KIRREL1: variants seen among roughly 807,000 people sequenced by gnomAD.
KIRREL1 encodes the protein kirre like nephrin family adhesion molecule 1.
Under a neutral mutation model 83.3 loss-of-function variants are expected in KIRREL1, and 25 were observed. The observed-to-expected ratio is 0.30, with a 90% CI of 0.22 to 0.42. The LOEUF (loss-of-function observed/expected upper bound fraction) is 0.42. Among genes scored for constraint, KIRREL1 ranks in the 10% least tolerant of loss-of-function variants. The probability of loss-of-function intolerance (pLI) is 1.00; values close to 1 mark genes in which losing one functional copy is unlikely to be tolerated. For missense variants in KIRREL1, 812 were observed against 1,032.3 expected (o/e 0.79, Z 2.92); for synonymous variants, 388 against 410.4 (o/e 0.95, Z 0.66).
At chr1:158,038,355 A>G (rs1296711312) in intron 1 of KIRREL1, among the ~76,000 whole-genome samples, 1 of 152,034 alleles carries the variant, frequency 6.6e-6, no homozygotes, top group South Asian at 2.1e-4. Flanking sequence ...TGGTGGTGGG[A>G]GGGGGCAGAG....
intron 1 of KIRREL1, among the ~76,000 whole-genome samples, chr1:158,046,571 AGGGG>A (rs1660783243): frequency 6.6e-6 from 1 of 151,916 alleles, no homozygotes; most frequent in African/African-American, 2.4e-5. Flanking sequence ...ACCAAGAGGG[AGGGG>A]AGGGCCAGTC....
intron 3 of KIRREL1, among the ~76,000 whole-genome samples, chr1:158,078,845 G>A (rs1473554860): frequency 1.3e-5 from 2 of 152,156 alleles, no homozygotes; most frequent in East Asian, 1.9e-4. Context: ...CTGGGGGACC[G>A]AGCAGATGTC....
chr1:158,027,121 G>T (rs746213454), intron 1 of KIRREL1, among the ~76,000 whole-genome samples: 2 of 152,182 alleles, frequency 1.3e-5, no homozygotes, highest in Non-Finnish European at 2.9e-5. Context: ...TGTTTTACCT[G>T]CGCTTCTGAC....
At chr1:158,071,087 T>C (rs1214639857) in intron 1 of KIRREL1, among the ~76,000 whole-genome samples, 1 of 152,168 alleles carries the variant, frequency 6.6e-6, no homozygotes, top group Non-Finnish European at 1.5e-5. Context: ...TCTGCCTTCC[T>C]TCCCCCCTGC....
chr1:158,041,294 C>T (rs1342148411), intron 1 of KIRREL1, among the ~76,000 whole-genome samples: 4 of 152,298 alleles, frequency 2.6e-5, no homozygotes, highest in African/African-American at 2.4e-5. Context: ...TCACAACTCC[C>T]GTGTGCCACT....
chr1:158,005,981 C>A (rs1467742870), intron 1 of KIRREL1, among the ~76,000 whole-genome samples: 2 of 152,184 alleles, frequency 1.3e-5, no homozygotes, highest in African/African-American at 4.8e-5. Context: ...GAAACAGGAT[C>A]TCCCATTAAT....
intron 1 of KIRREL1, among the ~76,000 whole-genome samples, chr1:158,006,646 C>T (rs956646620): frequency 2.0e-5 from 3 of 152,218 alleles, no homozygotes; most frequent in Non-Finnish European, 2.9e-5. Context: ...AAGAACCTGG[C>T]TGAGTCACTG....
chr1:158,056,809 G>A (rs1197703250), intron 1 of KIRREL1, among the ~76,000 whole-genome samples: 1 of 152,190 alleles, frequency 6.6e-6, no homozygotes, highest in African/African-American at 2.4e-5. Context: ...CCTGGGCTTG[G>A]AGCTATGGGG....
chr1:158,047,006 G>T (rs1558002141), intron 1 of KIRREL1, among the ~76,000 whole-genome samples: 1 of 152,084 alleles, frequency 6.6e-6, no homozygotes, highest in Non-Finnish European at 1.5e-5. Flanking sequence ...AAGAAACTAG[G>T]GATGTTTGGT....
Position 158,094,924 on chromosome 1 carries a change from A to T in KIRREL1, c.2078A>T (p.His693Leu). The stretch of plus-strand genomic sequence containing the variant: ...GAGAACTATGAGAAGTTCAACTCCC[A>T]TCCCTTCCCTGGGGCAGCTGGGTAC... The part of the protein sequence containing the change: ...SYENYEKFNS[H>L]PFPGAAGYPT... The change falls in exon 15 of 15, where the codon CAT becomes CTT. Residue 693 changes from histidine to leucine, a missense_variant. By Grantham distance (99) the His-to-Leu change is moderately conservative. Around this residue, in one of 3 missense-constraint regions of KIRREL1, gnomAD observed 334 missense variants for 383.7 expected, o/e 0.87. Transcript: ENST00000359209. This position sits in a 1 kb window ranked among gnomAD's most constrained non-coding sequence, Gnocchi z 4.6. The T allele has an allele frequency of 6.2e-7, 1 of 1,613,836 alleles. No individual in the cohort carries two copies. The highest frequency in any genetic ancestry group is 8.5e-7 in the Non-Finnish European group (1 of 1,179,932).
chr1:158,050,115 C>A (rs1187212293), intron 1 of KIRREL1, among the ~76,000 whole-genome samples: 1 of 152,026 alleles, frequency 6.6e-6, no homozygotes, highest in Non-Finnish European at 1.5e-5. Context: ...GTGCACATGC[C>A]TGTGAGATGT....
intron 1 of KIRREL1, among the ~76,000 whole-genome samples, chr1:158,002,049 G>A (rs946823931): frequency 2.0e-5 from 3 of 152,148 alleles, no homozygotes; most frequent in Non-Finnish European, 2.9e-5. Context: ...AGATAACCAA[G>A]GTTTGGCCAG....
chr1:158,029,336 C>CTGTGT (rs1660253657), intron 1 of KIRREL1, among the ~76,000 whole-genome samples: 1 of 19,654 alleles, frequency 5.1e-5, no homozygotes, highest in Non-Finnish European at 1.5e-4. Context: ...GTAACAAAAA[C>CTGTGT]CTGTGTGTGT....
intron 1 of KIRREL1, among the ~76,000 whole-genome samples, chr1:158,068,010 G>T (rs773901100): frequency 1.3e-5 from 2 of 152,152 alleles, no homozygotes; most frequent in Admixed American, 6.5e-5. Flanking sequence ...GAAGGGAGGC[G>T]GTGGCCAAGC....
At position 158,086,724 on chromosome 1, in the gene KIRREL1, T is replaced by C. The variant is rs1461947614; in HGVS notation, c.639T>C (p.Thr213=). 2 of 1,545,970 alleles carry C rather than the reference T, an allele frequency of 1.3e-6. No individual in the cohort carries two copies. The highest frequency in any genetic ancestry group is 2.0e-5 in the Admixed American group (1 of 50,694). The change falls in exon 5 of 15, where the codon ACT becomes ACC. Residue 213 remains threonine (T), a synonymous_variant. Transcript: ENST00000359209. ...AAGCCATCCCTAGTGGCAAGGAGAC[T>C]TCCATCGAGCTGGATGTGCACCGTG... ...MNEAIPSGKE[T]SIELDVHHPP... is the part of the protein sequence containing the mutation.
At chr1:158,063,337 C>A (rs1271412460) in intron 1 of KIRREL1, among the ~76,000 whole-genome samples, 2 of 151,870 alleles carry the variant, frequency 1.3e-5, no homozygotes, top group African/African-American at 2.4e-5. Context: ...TTAAGATATT[C>A]ATTCAACAAG....
At chr1:158,018,700 G>A (rs937373339) in intron 1 of KIRREL1, among the ~76,000 whole-genome samples, 2 of 152,080 alleles carry the variant, frequency 1.3e-5, no homozygotes, top group Non-Finnish European at 2.9e-5. Flanking sequence ...ACAAGGAGGA[G>A]CCCTGGAAAA....
chr1:158,093,649 C>G lies in KIRREL1; in HGVS notation c.1606C>G (p.Leu536Val). 6.2e-7 allele frequency: 1 copy of G among 1,614,190 alleles called. No homozygotes were observed. Residue 536 changes from leucine (L) to valine (V), a missense_variant, in exon 13 of 15, where the codon CTG becomes GTG. Coordinates refer to ENST00000359209, the MANE Select transcript of KIRREL1 (RefSeq NM_018240.7). ...GSRKDVTLRK[L>V]DIKVETVNRE... ...TCGCAAAGACGTGACCCTGAGGAAG[C>G]TGGATATCAAGGTGGAGACAGTGAA... is the stretch of plus-strand genomic sequence containing the variant.
intron 1 of KIRREL1, among the ~76,000 whole-genome samples, chr1:158,066,781 G>A (rs985620397): frequency 1.5e-4 from 23 of 152,060 alleles, no homozygotes; most frequent in African/African-American, 5.1e-4. Context: ...CCTCCTTCCC[G>A]CTCTGTCTTT....
Sources: gnomAD v4.1 joint callset for allele counts (sites outside exome capture counted in the v4.1 genomes callset) on GRCh38, gnomAD v4.1.1 for gene constraint, gnomAD v4.1.1 regional missense constraint, Gnocchi (gnomAD v3.1) non-coding constraint, MANE v1.5 for transcripts, NCBI Gene and HGNC (gene_info 2026-07-23, HGNC 2026-07-21) for gene names.